Variants in CLEC2A observed in about 807,000 individuals in gnomAD.
CLEC2A encodes the protein keratinocyte-associated C-type lectin.
Under a neutral mutation model 18.6 loss-of-function variants are expected in CLEC2A, and 19 were observed. The observed-to-expected ratio is 1.02, with a 90% CI of 0.71 to 1.50. CLEC2A has a LOEUF of 1.50. Among genes scored for constraint, CLEC2A ranks in the 40% most tolerant of loss-of-function variants. CLEC2A has a pLI of 0.00. For missense variants in CLEC2A, 190 were observed against 207.9 expected, an observed-to-expected ratio of 0.91 and a Z score of 0.53; for synonymous variants, 74 against 64.0, an observed-to-expected ratio of 1.16 and a Z score of -0.75.
In CLEC2A at chr12:9,913,240, A is replaced by G. The variant is rs1195051969; in HGVS notation, c.*326T>C. ...TATTTGTAGATGCTATGTTCTGAGT[A>G]TTTGGGTCCTCCCAAAACTCATAAA... is the stretch of plus-strand genomic sequence containing the variant. On this transcript the variant is annotated 3_prime_UTR_variant, in exon 5 of 5. Coordinates refer to ENST00000455827, the MANE Select transcript of CLEC2A (RefSeq NM_001130711.2). The G allele has an allele frequency of 6.5e-6, 2 of 309,610 alleles. No homozygotes were observed. Among genetic ancestry groups the G allele is most frequent in the Non-Finnish European group, 1.0e-5 (2 of 197,358 alleles). The allele number at this position is 309,610 out of a possible 1,614,324, so 19.2% of individuals were successfully genotyped here.
chr12:9,889,646 A>ATGTG, the CLEC2A span, among the ~76,000 whole-genome samples: 4 of 140,608 alleles, frequency 2.8e-5, no homozygotes, highest in South Asian at 2.2e-4. Flanking sequence ...GTGTATATAT[A>ATGTG]TGTGTGTGTG....
intron 4 of CLEC2A, among the ~76,000 whole-genome samples, chr12:9,903,027 G>T (rs372901581): frequency 2.0e-4 from 30 of 152,242 alleles, no homozygotes; most frequent in African/African-American, 7.0e-4. Context: ...GACATGTCTG[G>T]GTGTGTCAGG....
chr12:9,889,424 A>G, the CLEC2A span, among the ~76,000 whole-genome samples: 15 of 152,290 alleles, frequency 9.8e-5, no homozygotes, highest in African/African-American at 3.6e-4. Flanking sequence ...TATCCTCCAT[A>G]AAGTGGGTGG....
At chr12:9,881,571 A>G in the CLEC2A span, 10 of 1,461,316 alleles carry the variant, frequency 6.8e-6, no homozygotes, top group Non-Finnish European at 9.3e-6. Flanking sequence ...TTTTCTGGAT[A>G]ATAAGACATT....
chr12:9,919,105 T>C (rs1863120425), intron 3 of CLEC2A, among the ~76,000 whole-genome samples: 1 of 152,220 alleles, frequency 6.6e-6, no homozygotes, highest in Non-Finnish European at 1.5e-5. Context: ...GTTCTGAAAA[T>C]GTGGGTTTCT....
chr12:9,917,725 A>C (rs911010584), intron 3 of CLEC2A, among the ~76,000 whole-genome samples: 3 of 152,308 alleles, frequency 2.0e-5, no homozygotes, highest in Non-Finnish European at 2.9e-5. Flanking sequence ...TCCAACCAAT[A>C]GTGTATAAGT....
Position 9,898,969 on chromosome 12 carries a change from T to G in CLEC2A, c.418A>C (p.Asn140His), listed in dbSNP as rs746205131. The G allele has an allele frequency of 1.3e-5, 9 of 714,894 alleles. No homozygotes were observed. The African/African-American group carries it at 1.6e-4, about 13-fold the overall frequency. 44.3% of individuals were successfully genotyped at this position (714,894 alleles called of 1,614,324 possible). ...CTCCAGTTGCAAGACCATTTGGAGT[T>G]TGATGGCCTGAAAGCAAGAACAGAC... The change falls in exon 5 of 5, where the codon AAC (asparagine) becomes CAC (histidine). Residue 140 changes from asparagine (N) to histidine (H), a missense_variant. Asn to His is a moderately conservative substitution (Grantham distance 68, BLOSUM62 1). Transcript: ENST00000339766.
downstream of CLEC2A, among the ~76,000 whole-genome samples, chr12:9,898,506 C>T (rs1250598045): frequency 1.3e-5 from 2 of 152,148 alleles, no homozygotes; most frequent in African/African-American, 4.8e-5. Flanking sequence ...ACTACTGCAC[C>T]CAATTGCCTT....
At chr12:9,918,757 CAT>C (rs1172325760) in intron 3 of CLEC2A, among the ~76,000 whole-genome samples, 1 of 152,176 alleles carries the variant, frequency 6.6e-6, no homozygotes, top group African/African-American at 2.4e-5. Context: ...GTTTGGAAAA[CAT>C]ATGACACTCT....
chr12:9,908,983 C>A (rs1055734980), downstream of CLEC2A, among the ~76,000 whole-genome samples: 1 of 152,134 alleles, frequency 6.6e-6, no homozygotes, highest in Admixed American at 6.5e-5. Context: ...TCACATATAC[C>A]TTTTGAGTTT....
intron 3 of CLEC2A, among the ~76,000 whole-genome samples, chr12:9,920,344 T>C (rs1863148159): frequency 6.6e-6 from 1 of 152,198 alleles, no homozygotes; most frequent in Non-Finnish European, 1.5e-5. Context: ...GAGAGGCTGC[T>C]CTTTTGAAGC....
At chr12:9,909,413 T>C (rs1862949272), downstream of CLEC2A, among the ~76,000 whole-genome samples, 2 of 152,216 alleles carry the variant, frequency 1.3e-5, no homozygotes, top group Admixed American at 1.3e-4. Flanking sequence ...CTAAGGATCA[T>C]GCCCCTTTCT....
chr12:9,880,545 T>C, the CLEC2A span, among the ~76,000 whole-genome samples: 27 of 151,776 alleles, frequency 1.8e-4, no homozygotes, highest in African/African-American at 6.3e-4. Context: ...TGTGTGTGTG[T>C]GCGTGTTAAG....
the CLEC2A span, among the ~76,000 whole-genome samples, chr12:9,888,996 T>C: frequency 1.3e-5 from 2 of 151,984 alleles, no homozygotes; most frequent in Non-Finnish European, 2.9e-5. Context: ...GGAAAAAAAA[T>C]AGGGTTTTAG....
the CLEC2A span, among the ~76,000 whole-genome samples, chr12:9,877,920 C>T: frequency 6.6e-6 from 1 of 152,064 alleles, no homozygotes; most frequent in South Asian, 2.1e-4. Context: ...ATAGTTAACC[C>T]ATAACAATGC....
At chr12:9,888,685 T>C in the CLEC2A span, 17 of 1,043,912 alleles carry the variant, frequency 1.6e-5, no homozygotes, top group South Asian at 2.3e-4. Flanking sequence ...CCTAGATTGC[T>C]ATTGATTTTT....
chr12:9,884,366 A>AATAT, the CLEC2A span, among the ~76,000 whole-genome samples: 1 of 151,862 alleles, frequency 6.6e-6, no homozygotes, highest in African/African-American at 2.4e-5. Flanking sequence ...AACCCAGAAA[A>AATAT]ATATAATATA....
chr12:9,891,883 T>C, the CLEC2A span, among the ~76,000 whole-genome samples: 2 of 152,216 alleles, frequency 1.3e-5, no homozygotes, highest in Non-Finnish European at 2.9e-5. Context: ...TTTAGGGTCA[T>C]AGTTGACAGA....
At chr12:9,890,489 C>T in the CLEC2A span, among the ~76,000 whole-genome samples, 1 of 152,190 alleles carries the variant, frequency 6.6e-6, no homozygotes, top group Non-Finnish European at 1.5e-5. Flanking sequence ...TGGCTTTCAG[C>T]TATGACTCCT....
Sources: allele counts gnomAD v4.1 joint callset (sites outside exome capture counted in the v4.1 genomes callset), GRCh38; gene constraint gnomAD v4.1.1; transcripts MANE v1.5; gene names NCBI Gene and HGNC (gene_info 2026-07-23, HGNC 2026-07-21).